Variants in ADGRV1 observed in about 807,000 individuals in gnomAD.
ADGRV1 encodes the protein adhesion G protein-coupled receptor V1, also known as G-protein coupled receptor 98.
In ADGRV1, 359 loss-of-function variants were observed where a neutral mutation model predicts 596.2. The ratio of observed to expected loss-of-function variants is 0.60; its 90% confidence interval spans 0.55 to 0.66. The LOEUF (loss-of-function observed/expected upper bound fraction) is 0.66. Among genes scored for constraint, ADGRV1 ranks in the 30% least tolerant of loss-of-function variants. The pLI, the probability that ADGRV1 is intolerant of heterozygous loss-of-function variation, is 0.00. For missense variants in ADGRV1, 7,274 were observed against 7,575.6 expected (o/e 0.96, Z 1.48); for synonymous variants, 2,681 against 2,679.2 (o/e 1.00, Z -0.02).
chr5:90,712,415 GA>G lies in ADGRV1; in HGVS notation c.9176del (p.Asn3059IlefsTer3). The G allele has an allele frequency of 6.3e-7, 1 of 1,587,254 alleles. No individual in the cohort carries two copies. The highest frequency in any genetic ancestry group is 1.7e-5 in the Admixed American group (1 of 58,056). The stretch of plus-strand genomic sequence containing the variant: ...ATCCTTCTCCTGGACTAGAGCTAGG[GA>G]AAAATACAATAGGTAATTAATAATT... The part of the protein sequence containing the change: ...TNPSPGLELG[K>X]NTIALIIVLA... On this transcript the variant is annotated frameshift_variant, in exon 42 of 90. Transcript: ENST00000405460. LOFTEE classifies it high-confidence loss of function.
At chr5:91,041,891 G>C (rs972481226) in intron 85 of ADGRV1, among the ~76,000 whole-genome samples, 1 of 152,084 alleles carries the variant, frequency 6.6e-6, no homozygotes, top group Non-Finnish European at 1.5e-5. Context: ...TTAAACACAT[G>C]CATATTATGT....
chr5:90,816,072 C>T (rs1762863603), intron 75 of ADGRV1, among the ~76,000 whole-genome samples: 1 of 152,196 alleles, frequency 6.6e-6, no homozygotes, highest in South Asian at 2.1e-4. Context: ...TTGTTTGCAA[C>T]TTAAAACTGT....
chr5:90,593,413 G>A (rs552562697), intron 1 of ADGRV1, among the ~76,000 whole-genome samples: 1 of 151,658 alleles, frequency 6.6e-6, no homozygotes, highest in Non-Finnish European at 1.5e-5. Flanking sequence ...AGAACACATG[G>A]ACACAGGGCG....
At chr5:90,976,716 T>C (rs1779646658) in intron 84 of ADGRV1, among the ~76,000 whole-genome samples, 1 of 152,152 alleles carries the variant, frequency 6.6e-6, no homozygotes, top group South Asian at 2.1e-4. Context: ...TTTTTGCCTG[T>C]ATATTCATTT....
chr5:90,829,585 C>T (rs921271889), intron 77 of ADGRV1, among the ~76,000 whole-genome samples: 3 of 152,236 alleles, frequency 2.0e-5, no homozygotes, highest in East Asian at 1.9e-4. Flanking sequence ...CCAACACTAG[C>T]TGATCTTTAC....
chr5:90,953,057 G>T (rs1446722281), intron 83 of ADGRV1, among the ~76,000 whole-genome samples: 1 of 152,106 alleles, frequency 6.6e-6, no homozygotes, highest in Non-Finnish European at 1.5e-5. Flanking sequence ...GGGAACACTG[G>T]TATTAACAGA....
chr5:90,644,684 T>C (rs998239447), intron 14 of ADGRV1, 22 bp from the exon 15 acceptor site: 24 of 1,587,734 alleles, frequency 1.5e-5, no homozygotes, highest in Non-Finnish European at 2.0e-5. Flanking sequence ...TCATATGTAT[T>C]ATGTATGTTT....
chr5:90,708,881 T>C lies in ADGRV1; in HGVS notation c.8796T>C (p.Ala2932=). Residue 2932 remains alanine, a synonymous_variant, in exon 39 of 90, where the codon GCT becomes GCC. Coordinates refer to ENST00000405460, the MANE Select transcript of ADGRV1 (RefSeq NM_032119.4). ...VNLTYVGLTM[A]ASTSFPPRLD... The stretch of plus-strand genomic sequence containing the variant: ...TAACTTACGTTGGACTTACCATGGC[T>C]GCTTCAACTTCATTTCCTCCCAGAC... 1 of 1,611,928 alleles carries C rather than the reference T, an allele frequency of 6.2e-7. No homozygotes were observed. Among genetic ancestry groups the C allele is most frequent in the Non-Finnish European group, 8.5e-7 (1 of 1,178,394 alleles).
intron 85 of ADGRV1, among the ~76,000 whole-genome samples, chr5:90,985,816 C>T (rs773901912): frequency 1.3e-5 from 2 of 151,882 alleles, no homozygotes; most frequent in African/African-American, 4.8e-5. Context: ...AATCAGGGCA[C>T]TATGAAATTT....
At chr5:90,964,355 T>C (rs887938868) in intron 83 of ADGRV1, among the ~76,000 whole-genome samples, 2 of 152,186 alleles carry the variant, frequency 1.3e-5, no homozygotes, top group African/African-American at 4.8e-5. Context: ...TAAACGCTTA[T>C]TGATCATCTC....
intron 21 of ADGRV1, among the ~76,000 whole-genome samples, chr5:90,662,852 A>T (rs1275849085): frequency 6.6e-6 from 1 of 151,880 alleles, no homozygotes; most frequent in African/African-American, 2.4e-5. Context: ...ATGAGTGAGA[A>T]TATGTGGTGT....
intron 83 of ADGRV1, among the ~76,000 whole-genome samples, chr5:90,954,354 C>G (rs964995288): frequency 6.6e-6 from 1 of 151,948 alleles, no homozygotes; most frequent in Non-Finnish European, 1.5e-5. Flanking sequence ...AATACTAATT[C>G]ACTTTTTTAA....
rs190654857 is a variant in ADGRV1, at chr5:90,865,310, G to A, written c.17856+1453G>A. Among the ~76,000 whole-genome samples, 11 of 152,194 alleles carry A rather than the reference G, an allele frequency of 7.2e-5. No homozygotes were observed. In the East Asian group the frequency reaches 2.1e-3, roughly 29 times the overall value. On this transcript the variant is annotated intron_variant, in intron 83 of 89. Transcript: ENST00000405460. The stretch of plus-strand genomic sequence containing the variant: ...AGAAAACCCGCCTTCCATAATTAGA[G>A]TTTACTTGGCTTTATTCACCACCCA...
At chr5:90,816,640 C>T (rs1441068115) in intron 75 of ADGRV1, among the ~76,000 whole-genome samples, 3 of 150,254 alleles carry the variant, frequency 2.0e-5, no homozygotes, top group African/African-American at 4.9e-5. Context: ...CAGTTCCCAC[C>T]TATGAATGAG....
intron 77 of ADGRV1, among the ~76,000 whole-genome samples, chr5:90,832,570 AT>A (rs1764611249): frequency 6.6e-6 from 1 of 152,024 alleles, no homozygotes; most frequent in Non-Finnish European, 1.5e-5. Flanking sequence ...CACTTTGTTG[AT>A]TGTTTCTTTG....
intron 1 of ADGRV1, among the ~76,000 whole-genome samples, chr5:90,565,657 G>GT (rs537159557): frequency 1.3e-5 from 2 of 152,000 alleles, no homozygotes; most frequent in African/African-American, 2.4e-5. Context: ...TTGTATACAA[G>GT]TTTTTTTTGT....
chr5:90,926,352 T>C (rs1231865568), intron 83 of ADGRV1, among the ~76,000 whole-genome samples: 1 of 151,260 alleles, frequency 6.6e-6, no homozygotes, highest in Non-Finnish European at 1.5e-5. Flanking sequence ...CTTCCTAGTT[T>C]AGTCTTGGGA....
chr5:90,760,386 T>C (rs577143226), intron 58 of ADGRV1, among the ~76,000 whole-genome samples: 1 of 152,326 alleles, frequency 6.6e-6, no homozygotes, highest in African/African-American at 2.4e-5. Context: ...CTCCAGCCTG[T>C]GCACACAGTT....
intron 86 of ADGRV1, among the ~76,000 whole-genome samples, chr5:91,083,093 C>A (rs1364973410): frequency 6.6e-6 from 1 of 152,048 alleles, no homozygotes; most frequent in South Asian, 2.1e-4. Context: ...TCATAAATTT[C>A]TTTAAAAATG....
Sources: allele counts gnomAD v4.1 joint callset (sites outside exome capture counted in the v4.1 genomes callset), GRCh38; gene constraint gnomAD v4.1.1; transcripts MANE v1.5; gene names NCBI Gene and HGNC (gene_info 2026-07-23, HGNC 2026-07-21).